The following DISC1 variants were observed in gnomAD, a reference collection of about 807,000 sequenced individuals.
DISC1 encodes disrupted in schizophrenia 1 protein.
A neutral mutation model predicts 84.5 loss-of-function variants in DISC1; 57 were observed. That is an observed-to-expected ratio of 0.67 (90% CI 0.55 to 0.84). The LOEUF (loss-of-function observed/expected upper bound fraction) is 0.84. Ranked by LOEUF, DISC1 falls within the 40% of genes least tolerant of loss-of-function variation. The probability of loss-of-function intolerance (pLI) is 0.00; values close to 1 mark genes in which losing one functional copy is unlikely to be tolerated. For missense variants in DISC1, 1,000 were observed against 1,057.8 expected, an observed-to-expected ratio of 0.95 and a Z score of 0.76; for synonymous variants, 411 against 415.2, an observed-to-expected ratio of 0.99 and a Z score of 0.12.
chr1:231,702,486 G>T, intron 3 of DISC1: 1 of 987,160 alleles, frequency 1.0e-6, no homozygotes, highest in Non-Finnish European at 1.2e-6. Context: ...CAGAACCAGA[G>T]ATAGGAAATG....
At chr1:232,016,386 C>A (rs1668493358) in intron 11 of DISC1, among the ~76,000 whole-genome samples, 1 of 152,162 alleles carries the variant, frequency 6.6e-6, no homozygotes, top group Non-Finnish European at 1.5e-5. Flanking sequence ...GGTTGGATGT[C>A]CCTATCCCCA....
rs549944409 is a variant in DISC1, at chr1:231,967,852, G to A, written c.2042+8964G>A. Among the ~76,000 whole-genome samples, 12 of 152,052 alleles carry A rather than the reference G, an allele frequency of 7.9e-5. No homozygotes were observed. The South Asian group carries it at 1.9e-3, about 24-fold the overall frequency. On this transcript the variant is annotated intron_variant, in intron 10 of 12. Transcript: ENST00000439617. ...ATAATAATGCATAAGCTAAACATAC[G>A]CAGAGAAAAACTGCATAAAATATAA...
At chr1:231,697,070 G>A (rs1470765242) in intron 2 of DISC1, among the ~76,000 whole-genome samples, 1 of 152,208 alleles carries the variant, frequency 6.6e-6, no homozygotes, top group African/African-American at 2.4e-5. Context: ...GGAATTGTCT[G>A]TGATGAGGTG....
chr1:232,040,106 C>T lies in DISC1; in HGVS notation c.*3275C>T, dbSNP rs191369449. ...TCCCAGGTTCAAGCTATTCTACTGCCTCAGCCTCCCAAGTAGCTGGGGTTA... is the reference window on the plus strand; with the variant it reads ...TCCCAGGTTCAAGCTATTCTACTGCTTCAGCCTCCCAAGTAGCTGGGGTTA... On this transcript the variant is annotated 3_prime_UTR_variant, in exon 13 of 13. Transcript: ENST00000439617. 8 of 152,334 alleles carry T rather than the reference C, an allele frequency of 5.3e-5. No individual in the cohort carries two copies. In the East Asian group the frequency reaches 1.5e-3, roughly 30 times the overall value. 9.4% of individuals were successfully genotyped at this position (152,334 alleles called of 1,614,324 possible).
intron 3 of DISC1, among the ~76,000 whole-genome samples, chr1:231,714,577 G>A (rs12048349): frequency 0.3 from 45,445 of 151,406 alleles, 7,153 homozygotes; most frequent in East Asian, 0.37. Flanking sequence ...ACAGAGAGAT[G>A]GAGATGGGGG....
intron 9 of DISC1, among the ~76,000 whole-genome samples, chr1:231,857,910 C>T (rs1299969475): frequency 6.6e-6 from 1 of 152,154 alleles, no homozygotes; most frequent in African/African-American, 2.4e-5. Context: ...TGCCTGCCAC[C>T]ACCCCACCTT....
At chr1:231,996,731 G>A (rs1452239563) in intron 10 of DISC1, among the ~76,000 whole-genome samples, 1 of 152,046 alleles carries the variant, frequency 6.6e-6, no homozygotes, top group African/African-American at 2.4e-5. Context: ...GAGGATTCAA[G>A]CCACACTCAG....
chr1:231,725,088 G>T (rs1034430149), intron 3 of DISC1, among the ~76,000 whole-genome samples: 1 of 152,094 alleles, frequency 6.6e-6, no homozygotes, highest in African/African-American at 2.4e-5. Context: ...GGGTCACGGT[G>T]GTGTGGAAGC....
At chr1:231,996,326 G>T (rs996510402) in intron 10 of DISC1, among the ~76,000 whole-genome samples, 31 of 152,206 alleles carry the variant, frequency 2.0e-4, no homozygotes, top group African/African-American at 7.2e-4. Flanking sequence ...CTTTTGCTGT[G>T]CAGAAGCTCT....
At chr1:231,834,872 A>G (rs12406166) in intron 9 of DISC1, among the ~76,000 whole-genome samples, 47,745 of 151,864 alleles carry the variant, frequency 0.31, 7,566 homozygotes, top group East Asian at 0.39. Context: ...TCATGCAGAC[A>G]TCCCCGTGTG....
intron 3 of DISC1, among the ~76,000 whole-genome samples, chr1:231,708,568 G>A (rs371832632): frequency 3.9e-5 from 6 of 152,192 alleles, no homozygotes; most frequent in Non-Finnish European, 7.3e-5. Flanking sequence ...ATTCTCATTC[G>A]TTGCCTGATT....
intron 9 of DISC1, among the ~76,000 whole-genome samples, chr1:231,856,977 C>T (rs2084316398): frequency 6.6e-6 from 1 of 152,234 alleles, no homozygotes; most frequent in Non-Finnish European, 1.5e-5. Flanking sequence ...CACCTAGAAA[C>T]ATCCACAGCG....
At chr1:231,858,082 A>G (rs2084392283) in intron 9 of DISC1, among the ~76,000 whole-genome samples, 1 of 152,262 alleles carries the variant, frequency 6.6e-6, no homozygotes, top group South Asian at 2.1e-4. Context: ...CCAAGCAAAC[A>G]ACCACTTGTG....
At chr1:231,648,489 C>T (rs532472311) in intron 1 of DISC1, among the ~76,000 whole-genome samples, 1 of 152,060 alleles carries the variant, frequency 6.6e-6, no homozygotes. Context: ...TTTGCATCGA[C>T]GTTCATCAGG....
At chr1:231,720,359 A>C (rs1188782887) in intron 3 of DISC1, among the ~76,000 whole-genome samples, 3 of 151,874 alleles carry the variant, frequency 2.0e-5, no homozygotes, top group Non-Finnish European at 2.9e-5. Flanking sequence ...TTTTTCTTTA[A>C]GACAGGGTCT....
At chr1:231,905,347 A>C (rs1010655304) in intron 9 of DISC1, among the ~76,000 whole-genome samples, 1 of 152,218 alleles carries the variant, frequency 6.6e-6, no homozygotes, top group Non-Finnish European at 1.5e-5. Context: ...GGCTGTACGC[A>C]GTGGCTCATG....
In DISC1 at chr1:231,732,839, G is replaced by A. The variant is rs75968355; in HGVS notation, c.1118-17087G>A. Among the ~76,000 whole-genome samples the A allele has an allele frequency of 5.5e-3, 842 of 152,328 alleles. 4 individuals carry two copies. The highest frequency in any genetic ancestry group is 0.01 in the Middle Eastern group (3 of 294). Reference sequence around the variant, plus strand: ...TGGTGATAGTGGTTGGAGTGCTAGCGGAGGTGATAGTAGCAGTGGTCGTGG... The same window carrying A: ...TGGTGATAGTGGTTGGAGTGCTAGCAGAGGTGATAGTAGCAGTGGTCGTGG... On this transcript the variant is annotated intron_variant, in intron 3 of 12. Coordinates refer to ENST00000439617, the MANE Select transcript of DISC1 (RefSeq NM_018662.3).
At chr1:231,759,573 G>A (rs1175744948) in intron 4 of DISC1, among the ~76,000 whole-genome samples, 1 of 151,126 alleles carries the variant, frequency 6.6e-6, no homozygotes, top group Non-Finnish European at 1.5e-5. Flanking sequence ...AAATGCGGTG[G>A]TGCGTACCTG....
chr1:231,959,740 A>G (rs187975882), intron 10 of DISC1, among the ~76,000 whole-genome samples: 6 of 152,302 alleles, frequency 3.9e-5, no homozygotes, highest in Admixed American at 2.6e-4. Flanking sequence ...GCCGTCCTAT[A>G]ACCTCCTGAT....
Sources: gnomAD v4.1 joint callset for allele counts (sites outside exome capture counted in the v4.1 genomes callset) on GRCh38, gnomAD v4.1.1 for gene constraint, MANE v1.5 for transcripts, NCBI Gene and HGNC (gene_info 2026-07-23, HGNC 2026-07-21) for gene names.